ODR4: variants seen among roughly 807,000 people sequenced by gnomAD.
ODR4 encodes protein odr-4 homolog.
A neutral mutation model predicts 60.2 loss-of-function variants in ODR4; 47 were observed. The ratio of observed to expected loss-of-function variants is 0.78; its 90% CI spans 0.62 to 1.00. The LOEUF (loss-of-function observed/expected upper bound fraction) is 1.00. ODR4 is among the 50% of genes least tolerant of loss of function. The pLI is 0.00. For missense variants in ODR4, 488 were observed against 530.8 expected (o/e 0.92, Z 0.79); for synonymous variants, 178 against 175.5 (o/e 1.01, Z -0.11).
chr1:186,398,273 A>G (rs765876918), intron 9 of ODR4, 40 bp from the exon 10 acceptor site: 3 of 1,512,754 alleles, frequency 2.0e-6, no homozygotes, highest in South Asian at 2.7e-5. Context: ...GTAGTTAATC[A>G]TTGTTGGTTA....
intron 12 of ODR4, among the ~76,000 whole-genome samples, chr1:186,407,276 T>C (rs752428733): frequency 6.6e-6 from 1 of 152,170 alleles, no homozygotes; most frequent in Non-Finnish European, 1.5e-5. Flanking sequence ...AAAACTAATA[T>C]TTCTAAAGAT....
intron 9 of ODR4, among the ~76,000 whole-genome samples, chr1:186,395,382 C>T (rs964373564): frequency 2.0e-5 from 3 of 152,010 alleles, no homozygotes; most frequent in Non-Finnish European, 2.9e-5. Flanking sequence ...CGTGAGCCAC[C>T]GCGCCTGGCC....
chr1:186,397,268 G>C (rs1660718940), intron 9 of ODR4, among the ~76,000 whole-genome samples: 1 of 152,134 alleles, frequency 6.6e-6, no homozygotes, highest in Admixed American at 6.5e-5. Flanking sequence ...GATTGCATAA[G>C]CACATAGGCA....
intron 1 of ODR4, among the ~76,000 whole-genome samples, chr1:186,376,535 T>A (rs970691540): frequency 1.3e-5 from 2 of 152,206 alleles, no homozygotes; most frequent in Non-Finnish European, 2.9e-5. Context: ...ATTTAGTTCT[T>A]ATATGAAATT....
chr1:186,384,063 G>A (rs990762663), intron 3 of ODR4, among the ~76,000 whole-genome samples: 4 of 152,060 alleles, frequency 2.6e-5, no homozygotes, highest in African/African-American at 9.7e-5. Flanking sequence ...AAGAAATCCA[G>A]TATTTAATTA....
At chr1:186,400,699 A>G in intron 11 of ODR4, 1 of 226,358 alleles carries the variant, frequency 4.4e-6, no homozygotes, top group Non-Finnish European at 8.5e-6. Flanking sequence ...TGGACTAATT[A>G]TAATCTTTTT....
intron 11 of ODR4, among the ~76,000 whole-genome samples, chr1:186,399,872 T>C (rs904738808): frequency 2.0e-5 from 3 of 151,804 alleles, no homozygotes; most frequent in African/African-American, 7.3e-5. Context: ...TTGGGAAACA[T>C]AACAATTTAT....
the ODR4 span, among the ~76,000 whole-genome samples, chr1:186,432,075 G>C: frequency 6.6e-6 from 1 of 152,106 alleles, no homozygotes; most frequent in Admixed American, 6.6e-5. Context: ...TACCTCAGTG[G>C]GAACAAGTTT....
chr1:186,418,264 A>G (rs1661653414), intron 13 of ODR4, among the ~76,000 whole-genome samples: 1 of 149,096 alleles, frequency 6.7e-6, no homozygotes, highest in African/African-American at 2.5e-5. Flanking sequence ...GTCTGTCTGG[A>G]CTACTATGGT....
intron 11 of ODR4, among the ~76,000 whole-genome samples, chr1:186,403,477 G>A (rs1661062770): frequency 6.6e-6 from 1 of 151,870 alleles, no homozygotes; most frequent in Non-Finnish European, 1.5e-5. Flanking sequence ...ATACTGGTAA[G>A]ATCTTATAGA....
the ODR4 span, among the ~76,000 whole-genome samples, chr1:186,430,864 T>C: frequency 1.3e-5 from 2 of 152,044 alleles, no homozygotes; most frequent in Non-Finnish European, 2.9e-5. Context: ...CTCCCTTTTT[T>C]TTTTTTTGTT....
In ODR4 at chr1:186,419,817, A is replaced by G. The variant is rs1661715095; in HGVS notation, c.*741A>G. On this transcript the variant is annotated 3_prime_UTR_variant, in exon 14 of 14. Transcript: ENST00000287859. Reference sequence around the variant, plus strand: ...ACCAGAAAAATTTCTACCAAATGAGACAACAACTTTAGGATAAGTTCATCC... The same window carrying G: ...ACCAGAAAAATTTCTACCAAATGAGGCAACAACTTTAGGATAAGTTCATCC... 1 of 152,286 alleles carries G rather than the reference A, an allele frequency of 6.6e-6. No homozygotes were observed. Among genetic ancestry groups the G allele is most frequent in the South Asian group, 2.1e-4 (1 of 4,824 alleles). The allele number at this position is 152,286 out of a possible 1,614,324, so 9.4% of individuals were successfully genotyped here.
intron 7 of ODR4, among the ~76,000 whole-genome samples, chr1:186,391,067 A>G (rs1354856298): frequency 6.6e-6 from 1 of 152,218 alleles, no homozygotes; most frequent in Non-Finnish European, 1.5e-5. Flanking sequence ...GTTTAATAAT[A>G]ACTAATAATT....
intron 8 of ODR4, 136 bp downstream of exon 8, chr1:186,391,927 G>A (rs1237799267): frequency 3.2e-6 from 2 of 622,454 alleles, no homozygotes; most frequent in Non-Finnish European, 5.6e-6. Context: ...TAAAGTAAAA[G>A]GCAAATGTTT....
At chr1:186,404,345 G>A (rs952114096) in intron 11 of ODR4, among the ~76,000 whole-genome samples, 4 of 152,268 alleles carry the variant, frequency 2.6e-5, no homozygotes, top group South Asian at 2.1e-4. Context: ...TTTGAAAGTT[G>A]TAGTGCTTTT....
In ODR4 at chr1:186,420,941, T is replaced by C. The variant is rs1661750727; in HGVS notation, c.*1865T>C. On this transcript the variant is annotated 3_prime_UTR_variant, in exon 14 of 14. Transcript: ENST00000287859. ...ATTTAAATAAAATCCAGGCCTAGACTCAAGGTATTGTAAATGACAAGATAC... is the reference window on the plus strand; with the variant it reads ...ATTTAAATAAAATCCAGGCCTAGACCCAAGGTATTGTAAATGACAAGATAC... 1 of 152,106 alleles carries C rather than the reference T, an allele frequency of 6.6e-6. No individual in the cohort carries two copies. The highest frequency in any genetic ancestry group is 2.1e-4 in the South Asian group (1 of 4,834). The allele number at this position is 152,106 out of a possible 1,614,324, so 9.4% of individuals were successfully genotyped here.
chr1:186,390,739 A>G lies in ODR4; in HGVS notation c.503A>G (p.Tyr168Cys). Reference sequence around the variant, plus strand: ...TCAGCAAGACCAGCAGATTGGAAGTATCAAAGTGGATTATCATCCTCATGG... The same window carrying G: ...TCAGCAAGACCAGCAGATTGGAAGTGTCAAAGTGGATTATCATCCTCATGG... ...KSSARPADWK[Y>C]QSGLSSSWLS... The change falls in exon 7 of 14, where the codon TAT (tyrosine) becomes TGT (cysteine). Residue 168 changes from tyrosine to cysteine, a missense_variant. Tyr to Cys is a radical substitution (Grantham distance 194). Coordinates refer to ENST00000287859, the MANE Select transcript of ODR4 (RefSeq NM_017847.6). 2 of 1,613,580 alleles carry G rather than the reference A, an allele frequency of 1.2e-6. No individual in the cohort carries two copies. Among genetic ancestry groups the G allele is most frequent in the East Asian group, 4.5e-5 (2 of 44,802 alleles).
chr1:186,422,699 A>G (rs1028608672), downstream of ODR4, among the ~76,000 whole-genome samples: 1 of 152,184 alleles, frequency 6.6e-6, no homozygotes, highest in African/African-American at 2.4e-5. Context: ...CAAGTAATAT[A>G]TATTTTTAAA....
chr1:186,403,242 A>C (rs1419771795), intron 11 of ODR4, among the ~76,000 whole-genome samples: 6 of 152,080 alleles, frequency 3.9e-5, no homozygotes, highest in African/African-American at 1.4e-4. Flanking sequence ...TCTTTAAAAA[A>C]ATTTTTTTAA....
Sources: allele counts gnomAD v4.1 joint callset (sites outside exome capture counted in the v4.1 genomes callset), GRCh38; gene constraint gnomAD v4.1.1; transcripts MANE v1.5; gene names NCBI Gene and HGNC (gene_info 2026-07-23, HGNC 2026-07-21).